DHRS4L2: variants seen among roughly 807,000 people sequenced by gnomAD.
DHRS4L2 encodes the protein dehydrogenase/reductase SDR family member 4-like 2.
DHRS4L2 carries 22 observed loss-of-function variants against 23.9 expected under a neutral mutation model. That is an observed-to-expected ratio of 0.92 (90% CI 0.66 to 1.31). The LOEUF is 1.31. Ranked by LOEUF, DHRS4L2 falls within the 40% of genes most tolerant of loss-of-function variation. The pLI, the probability that DHRS4L2 is intolerant of heterozygous loss-of-function variation, is 0.00. For synonymous variants in DHRS4L2, 141 were observed against 123.7 expected (o/e 1.14, Z -0.93); for missense variants, 385 against 303.3 (o/e 1.27, Z -2.00).
intron 2 of DHRS4L2, among the ~76,000 whole-genome samples, chr14:23,991,737 C>CT (rs56024121): frequency 0.34 from 47,465 of 139,744 alleles, 8,880 homozygotes; most frequent in East Asian, 0.75. Context: ...GCCTCCATAT[C>CT]TTTTTTTTTT....
At chr14:23,991,082 G>A (rs1348392527) in intron 2 of DHRS4L2, 1 of 174,384 alleles carries the variant, frequency 5.7e-6, no homozygotes, top group Non-Finnish European at 1.1e-5. Flanking sequence ...GAGGCTCAGG[G>A]CACACACTTT....
At chr14:23,986,293 G>T (rs577456727), upstream of DHRS4L2, among the ~76,000 whole-genome samples, 8 of 151,284 alleles carry the variant, frequency 5.3e-5, no homozygotes, top group Middle Eastern at 3.4e-3. Flanking sequence ...TCACTCATAG[G>T]TGGGAATTGA....
intron 1 of DHRS4L2, among the ~76,000 whole-genome samples, chr14:23,972,240 G>A (rs1347540070): frequency 2.6e-5 from 4 of 152,002 alleles, no homozygotes; most frequent in Non-Finnish European, 5.9e-5. Flanking sequence ...TCCTTCTGAT[G>A]TTCAGACATG....
rs1203571886 is a variant in DHRS4L2, at chr14:24,004,234, A to G, written c.666-103A>G. ...CAGTGAGCCAAGATAGCGCCACTACAGTCCGGCCTGGGCAAAAGAGCAAGA... is the reference window on the plus strand; with the variant it reads ...CAGTGAGCCAAGATAGCGCCACTACGGTCCGGCCTGGGCAAAAGAGCAAGA... On this transcript the variant is annotated intron_variant, in intron 6 of 7. Coordinates refer to ENST00000335125, the MANE Select transcript of DHRS4L2 (RefSeq NM_198083.4). The G allele has an allele frequency of 1.4e-4, 191 of 1,413,302 alleles. 3 individuals are homozygous for G. Among genetic ancestry groups the G allele is most frequent in the Non-Finnish European group, 1.7e-4 (183 of 1,073,220 alleles). The allele number at this position is 1,413,302 out of a possible 1,614,324, so 87.5% of individuals were successfully genotyped here. A position where few individuals can be genotyped will look rare whatever the true frequency, so the allele number is the denominator to read the frequency against.
At chr14:23,994,001 C>A (rs1594469698) in intron 2 of DHRS4L2, among the ~76,000 whole-genome samples, 1 of 151,706 alleles carries the variant, frequency 6.6e-6, no homozygotes, top group South Asian at 2.1e-4. Flanking sequence ...GCCTCCTGTT[C>A]TTAGCTAGCC....
intron 1 of DHRS4L2, among the ~76,000 whole-genome samples, chr14:23,974,185 G>A (rs1188804939): frequency 2.6e-5 from 4 of 151,646 alleles, no homozygotes; most frequent in Non-Finnish European, 5.9e-5. Flanking sequence ...AAATAAACAT[G>A]GTCTTTGAAA....
intron 1 of DHRS4L2, among the ~76,000 whole-genome samples, chr14:23,981,581 G>C (rs556041226): frequency 9.2e-5 from 14 of 151,790 alleles, no homozygotes; most frequent in African/African-American, 3.1e-4. Flanking sequence ...CAGAGACAAA[G>C]TATAGAGAAA....
intron 1 of DHRS4L2, among the ~76,000 whole-genome samples, chr14:23,973,445 C>CAT (rs2033905168): frequency 1.3e-5 from 2 of 151,916 alleles, no homozygotes; most frequent in Non-Finnish European, 1.5e-5. Context: ...AGTGCAGCGG[C>CAT]GGGCTGAAGG....
In DHRS4L2 at chr14:23,989,086, G is replaced by C. The variant is rs1411245758; in HGVS notation, c.128+11G>C. The C allele has an allele frequency of 1.3e-6, 2 of 1,561,618 alleles. No individual in the cohort carries two copies. Among genetic ancestry groups the C allele is most frequent in the Non-Finnish European group, 1.7e-6 (2 of 1,153,532 alleles). On this transcript the variant is annotated intron_variant, in intron 1 of 7. Coordinates refer to ENST00000335125, the MANE Select transcript of DHRS4L2 (RefSeq NM_198083.4). ...GGCCTCCACCGACGGGTGAGTGTTG[G>C]TGCCGGAGTTTCTGAGGCCCTGGCT...
intron 3 of DHRS4L2, 98 bp downstream of exon 3, chr14:23,995,231 T>C (rs1332688461): frequency 1.3e-5 from 19 of 1,413,900 alleles, no homozygotes; most frequent in Non-Finnish European, 1.8e-5. Context: ...GCAGTGTAAA[T>C]GTGAGGACTC....
At chr14:23,971,955 C>G (rs942606375) in intron 1 of DHRS4L2, among the ~76,000 whole-genome samples, 1 of 152,020 alleles carries the variant, frequency 6.6e-6, no homozygotes, top group Non-Finnish European at 1.5e-5. Context: ...AACGTCATGA[C>G]AGGATCAAAT....
intron 2 of DHRS4L2, chr14:23,990,691 G>C (rs1327001705): frequency 9.3e-7 from 1 of 1,077,904 alleles, no homozygotes; most frequent in African/African-American, 1.7e-5. Context: ...CTCTTCTTCA[G>C]CTTATAGAGT....
At chr14:23,974,124 T>C (rs1185243592) in intron 1 of DHRS4L2, among the ~76,000 whole-genome samples, 1 of 151,794 alleles carries the variant, frequency 6.6e-6, no homozygotes, top group African/African-American at 2.4e-5. Context: ...ACATGGAAAC[T>C]GAACAACCTG....
At chr14:24,001,324 T>C in intron 5 of DHRS4L2, 60 bp from the exon 6 acceptor site, 2 of 1,582,896 alleles carry the variant, frequency 1.3e-6, no homozygotes, top group African/African-American at 1.4e-5. Context: ...CTATGTCTAG[T>C]TATTAGAACC....
intron 2 of DHRS4L2, among the ~76,000 whole-genome samples, chr14:23,994,349 G>A (rs1399875082): frequency 3.3e-5 from 5 of 151,690 alleles, no homozygotes; most frequent in African/African-American, 1.2e-4. Context: ...GTAAAGAAAA[G>A]AGCGTCAGAG....
In DHRS4L2 at chr14:24,001,091, A is replaced by T. The variant is rs1566501049; in HGVS notation, c.531+7A>T. ...AGCCTTCAGTCCATCTCCTGTAAGA[A>T]CCCTTTTGTCTACCTCTTCCATCCC... is the stretch of plus-strand genomic sequence containing the variant. On this transcript the variant is annotated splice_region_variant and intron_variant, in intron 5 of 7. Transcript: ENST00000335125. 1.2e-6 allele frequency: 2 copies of T among 1,609,996 alleles called. No individual in the cohort carries two copies. The highest frequency in any genetic ancestry group is 1.7e-6 in the Non-Finnish European group (2 of 1,179,140).
chr14:23,987,069 C>A (rs1236674235), upstream of DHRS4L2, among the ~76,000 whole-genome samples: 3 of 151,620 alleles, frequency 2.0e-5, no homozygotes, highest in African/African-American at 7.3e-5. Flanking sequence ...CACTAGAAAT[C>A]CAGTGCAGGC....
rs372127591 is a variant in DHRS4L2 at position 23,982,590 on chromosome 14, A to C, written c.-175-7592A>C. On this transcript the variant is annotated intron_variant, in intron 1 of 5. Transcript: ENST00000534993. ...CTACAGTAACCAAGACAGCATGGTAATAGTACCAAACAGATATCTAGACCA... is the reference window on the plus strand; with the variant it reads ...CTACAGTAACCAAGACAGCATGGTACTAGTACCAAACAGATATCTAGACCA... Among the ~76,000 whole-genome samples, 195 of 151,636 alleles carry C rather than the reference A, an allele frequency of 1.3e-3. 3 individuals carry two copies. Among genetic ancestry groups the C allele is most frequent in the Non-Finnish European group, 1.6e-3 (108 of 67,904 alleles).
upstream of DHRS4L2, among the ~76,000 whole-genome samples, chr14:23,988,128 G>C (rs2034187096): frequency 1.3e-5 from 2 of 151,080 alleles, no homozygotes; most frequent in Admixed American, 1.3e-4. Context: ...TTCATAAAGA[G>C]ATTTTGCATT....
Sources: gnomAD v4.1 joint callset for allele counts (sites outside exome capture counted in the v4.1 genomes callset) on GRCh38, gnomAD v4.1.1 for gene constraint, MANE v1.5 for transcripts, NCBI Gene and HGNC (gene_info 2026-07-23, HGNC 2026-07-21) for gene names.